The following SLC44A5 variants were observed in gnomAD, a reference collection of about 807,000 sequenced individuals.
SLC44A5 encodes the protein solute carrier family 44 member 5.
A neutral mutation model predicts 101.8 loss-of-function variants in SLC44A5; 57 were observed. The observed-to-expected ratio is 0.56, with a 90% confidence interval of 0.45 to 0.70. The LOEUF is 0.70. Among genes scored for constraint, SLC44A5 ranks in the 30% least tolerant of loss-of-function variants. SLC44A5 has a pLI of 0.00. For missense variants in SLC44A5, 737 were observed against 853.1 expected (o/e 0.86, Z 1.70); for synonymous variants, 281 against 290.9 (o/e 0.97, Z 0.35).
chr1:75,570,189 G>T (rs557507799), intron 1 of SLC44A5, among the ~76,000 whole-genome samples: 1 of 152,310 alleles, frequency 6.6e-6, no homozygotes, highest in African/African-American at 2.4e-5. Flanking sequence ...AGAGCTACAG[G>T]TGCTGGCATT....
upstream of SLC44A5, among the ~76,000 whole-genome samples, chr1:75,615,446 C>T (rs376402490): frequency 3.0e-4 from 9 of 29,820 alleles, no homozygotes; most frequent in Non-Finnish European, 1.0e-3. Context: ...TACACACACA[C>T]ACACACACAC....
intron 2 of SLC44A5, among the ~76,000 whole-genome samples, chr1:75,487,085 A>T (rs1412318050): frequency 1.3e-5 from 2 of 152,234 alleles, no homozygotes; most frequent in African/African-American, 4.8e-5. Flanking sequence ...CACCAGGATC[A>T]TTCATTCAGT....
intron 2 of SLC44A5, among the ~76,000 whole-genome samples, chr1:75,455,073 A>G (rs1666112125): frequency 6.6e-6 from 1 of 152,156 alleles, no homozygotes; most frequent in Admixed American, 6.5e-5. Context: ...AGACAATTCT[A>G]AGCAAAAAGA....
chr1:75,350,082 G>A lies in SLC44A5; in HGVS notation c.53-10452C>T, dbSNP rs139209961. Among the ~76,000 whole-genome samples, 50 of 151,538 alleles carry A rather than the reference G, an allele frequency of 3.3e-4. No individual in the cohort carries two copies. The East Asian group carries it at 6.6e-3, about 20-fold the overall frequency. On this transcript the variant is annotated intron_variant, in intron 3 of 23. Coordinates refer to ENST00000370859, the MANE Select transcript of SLC44A5 (RefSeq NM_001130058.2). ...AGTTTATATGTTGAAGTCCTACCGC[G>A]CCCCCCCCAACTCCAGCCCAACTAT...
intron 2 of SLC44A5, among the ~76,000 whole-genome samples, chr1:75,459,799 T>C (rs1332964705): frequency 1.3e-5 from 2 of 152,196 alleles, no homozygotes; most frequent in African/African-American, 4.8e-5. Flanking sequence ...TAATGGTAAT[T>C]GTAACTTAAA....
At chr1:75,603,753 G>GTTTTTTTTTTTTTTTTTTTTCTTTTT (rs57844833) in intron 1 of SLC44A5, among the ~76,000 whole-genome samples, 1 of 54,086 alleles carries the variant, frequency 1.8e-5, no homozygotes, top group African/African-American at 9.2e-5. Flanking sequence ...ATTTTTTCAT[G>GTTTTTTTTTTTTTTTTTTTTCTTTTT]TTTTTTTTTT....
chr1:75,256,441 C>G (rs1438026018), intron 6 of SLC44A5, among the ~76,000 whole-genome samples: 1 of 152,102 alleles, frequency 6.6e-6, no homozygotes, highest in African/African-American at 2.4e-5. Context: ...GTGAGATGAT[C>G]CTATGCTGCT....
At chr1:75,251,383 T>A in intron 6 of SLC44A5, 89 bp from the exon 7 acceptor site, 1 of 1,074,898 alleles carries the variant, frequency 9.3e-7, no homozygotes, top group Non-Finnish European at 1.4e-6. Context: ...AAATAACCTT[T>A]AAAAATTGGT....
At chr1:75,594,943 A>G (rs1674553365) in intron 1 of SLC44A5, among the ~76,000 whole-genome samples, 1 of 152,028 alleles carries the variant, frequency 6.6e-6, no homozygotes, top group African/African-American at 2.4e-5. Context: ...TAAAACATAT[A>G]AGGCTGAAAA....
chr1:75,338,766 G>A (rs552797173), intron 4 of SLC44A5, among the ~76,000 whole-genome samples: 11 of 152,222 alleles, frequency 7.2e-5, no homozygotes, highest in African/African-American at 1.7e-4. Context: ...CTATTACAGG[G>A]ACATAACAGT....
At chr1:75,694,985 A>G in the SLC44A5 span, among the ~76,000 whole-genome samples, 1 of 152,314 alleles carries the variant, frequency 6.6e-6, no homozygotes, top group African/African-American at 2.4e-5. Context: ...TTTGATGACA[A>G]TATTTTTACC....
At chr1:75,207,729 T>C (rs1646776715) in intron 23 of SLC44A5, among the ~76,000 whole-genome samples, 1 of 152,240 alleles carries the variant, frequency 6.6e-6, no homozygotes, top group Non-Finnish European at 1.5e-5. Context: ...TTTTGCTTTC[T>C]ACAATTTCAC....
At position 75,454,427 on chromosome 1, in the gene SLC44A5, C is replaced by A. The variant is rs182440253; in HGVS notation, c.14-57806G>T. Among the ~76,000 whole-genome samples the A allele has an allele frequency of 2.8e-3, 433 of 152,118 alleles. 4 individuals carry two copies. Among genetic ancestry groups the A allele is most frequent in the African/African-American group, 9.8e-3 (407 of 41,534 alleles). On this transcript the variant is annotated intron_variant, in intron 2 of 23. Coordinates refer to ENST00000370859, the MANE Select transcript of SLC44A5 (RefSeq NM_001130058.2). ...AAATAATAAGAGCCATCTATGAAAA[C>A]CCACAGCCAACATCATACTGAATAG...
At chr1:75,704,697 A>G in the SLC44A5 span, among the ~76,000 whole-genome samples, 1 of 152,240 alleles carries the variant, frequency 6.6e-6, no homozygotes. Flanking sequence ...ACTACCTTGC[A>G]TGTGGTAAGA....
rs1339522591 is a variant in SLC44A5 at position 75,339,665 on chromosome 1, G to T, written c.53-35C>A. 3.9e-6 allele frequency: 6 copies of T among 1,553,086 alleles called. No homozygotes were observed. In the African/African-American group the frequency reaches 5.5e-5, roughly 14 times the overall value. On this transcript the variant is annotated intron_variant, in intron 3 of 23. Transcript: ENST00000370859. Reference sequence around the variant, plus strand: ...AAACAAAGACATTTTAAGCATATAAGCCAGCAAATAAATTAATATAAAATA... The same window carrying T: ...AAACAAAGACATTTTAAGCATATAATCCAGCAAATAAATTAATATAAAATA...
At chr1:75,338,534 G>A (rs1294348620) in intron 4 of SLC44A5, among the ~76,000 whole-genome samples, 1 of 152,166 alleles carries the variant, frequency 6.6e-6, no homozygotes, top group Non-Finnish European at 1.5e-5. Flanking sequence ...TAAAATGGAT[G>A]TAATCATAGT....
At chr1:75,221,616 T>C (rs917339465) in intron 14 of SLC44A5, among the ~76,000 whole-genome samples, 9 of 152,214 alleles carry the variant, frequency 5.9e-5, no homozygotes, top group Non-Finnish European at 1.2e-4. Flanking sequence ...TAGCATATAA[T>C]TGACTTTATA....
At chr1:75,463,663 C>G (rs961987385) in intron 2 of SLC44A5, among the ~76,000 whole-genome samples, 1 of 151,998 alleles carries the variant, frequency 6.6e-6, no homozygotes, top group Non-Finnish European at 1.5e-5. Flanking sequence ...CAAACAAAAG[C>G]TGAGGGATTT....
chr1:75,616,235 C>T, the SLC44A5 span, among the ~76,000 whole-genome samples: 5 of 152,052 alleles, frequency 3.3e-5, no homozygotes, highest in African/African-American at 7.2e-5. Flanking sequence ...TTCTCCACAC[C>T]CTCCCTCCCC....
Sources: gnomAD v4.1 joint callset for allele counts (sites outside exome capture counted in the v4.1 genomes callset) on GRCh38, gnomAD v4.1.1 for gene constraint, MANE v1.5 for transcripts, NCBI Gene and HGNC (gene_info 2026-07-23, HGNC 2026-07-21) for gene names.